LPAR1: variants seen among roughly 807,000 people sequenced by gnomAD.
LPAR1 encodes the protein lysophosphatidic acid receptor 1.
Under a neutral mutation model 23.8 loss-of-function variants are expected in LPAR1, and 5 were observed. The ratio of observed to expected loss-of-function variants is 0.21; its 90% CI spans 0.11 to 0.44. LPAR1 has a LOEUF of 0.44. Among genes scored for constraint, LPAR1 ranks in the 20% least tolerant of loss-of-function variants. The pLI is 0.99. For synonymous variants in LPAR1, 160 were observed against 164.7 expected (o/e 0.97, Z 0.22); for missense variants, 311 against 482.8 (o/e 0.64, Z 3.33).
chr9:111,017,143 A>G (rs2097465229), intron 2 of LPAR1, among the ~76,000 whole-genome samples: 1 of 152,190 alleles, frequency 6.6e-6, no homozygotes, highest in Non-Finnish European at 1.5e-5. Flanking sequence ...GAGGAAGAAC[A>G]GCAAAATGCG....
chr9:110,966,103 C>T (rs764100694), intron 4 of LPAR1, among the ~76,000 whole-genome samples: 12 of 152,090 alleles, frequency 7.9e-5, no homozygotes, highest in Non-Finnish European at 1.8e-4. Context: ...GGGAGGGGAA[C>T]ATCACACACC....
intron 5 of LPAR1, among the ~76,000 whole-genome samples, chr9:110,931,051 GC>G (rs573128696): frequency 1.2e-4 from 18 of 152,104 alleles, no homozygotes; most frequent in Non-Finnish European, 2.2e-4. Flanking sequence ...CCTAACAACG[GC>G]TATTGTCATA....
chr9:111,028,618 CTT>C (rs57371925), intron 2 of LPAR1, among the ~76,000 whole-genome samples: 4 of 146,028 alleles, frequency 2.7e-5, no homozygotes, highest in African/African-American at 2.5e-5. Context: ...TAGAAAAAGA[CTT>C]TTTTTTTTTT....
At chr9:110,934,861 G>C (rs1450943784) in intron 5 of LPAR1, among the ~76,000 whole-genome samples, 2 of 151,708 alleles carry the variant, frequency 1.3e-5, no homozygotes, top group Admixed American at 1.3e-4. Context: ...GAGAGAGAGA[G>C]GAGAGGAGAG....
intron 2 of LPAR1, among the ~76,000 whole-genome samples, chr9:111,018,657 T>TGAAG (rs2097502740): frequency 6.6e-6 from 1 of 152,236 alleles, no homozygotes. Context: ...TTCCTTCTTC[T>TGAAG]TCTTTATATT....
At chr9:110,959,766 T>C (rs1029848535) in intron 4 of LPAR1, among the ~76,000 whole-genome samples, 2 of 152,124 alleles carry the variant, frequency 1.3e-5, no homozygotes, top group Non-Finnish European at 2.9e-5. Flanking sequence ...AATTAATGAA[T>C]GGATAAAGAA....
chr9:110,938,868 T>C (rs955052027), intron 5 of LPAR1, among the ~76,000 whole-genome samples: 6 of 152,022 alleles, frequency 3.9e-5, no homozygotes, highest in Non-Finnish European at 7.4e-5. Flanking sequence ...AGCAAGACCC[T>C]GTCTCAAAGA....
intron 4 of LPAR1, among the ~76,000 whole-genome samples, chr9:110,944,918 T>C (rs1247701183): frequency 6.6e-6 from 1 of 152,226 alleles, no homozygotes; most frequent in Non-Finnish European, 1.5e-5. Context: ...TTTAAAATCC[T>C]ATACTAAGAG....
intron 2 of LPAR1, among the ~76,000 whole-genome samples, chr9:111,024,473 T>C (rs1345132381): frequency 1.4e-5 from 2 of 147,372 alleles, no homozygotes; most frequent in African/African-American, 2.5e-5. Flanking sequence ...TAATTATATA[T>C]ACATACATAT....
intron 2 of LPAR1, among the ~76,000 whole-genome samples, chr9:110,998,726 T>C (rs578154872): frequency 6.6e-6 from 1 of 152,308 alleles, no homozygotes; most frequent in East Asian, 1.9e-4. Context: ...CAGATTTAGT[T>C]TTGACAAAGT....
intron 5 of LPAR1, among the ~76,000 whole-genome samples, chr9:110,876,439 A>G (rs892013291): frequency 6.6e-6 from 1 of 152,220 alleles, no homozygotes; most frequent in Non-Finnish European, 1.5e-5. Context: ...GTGCTGTCCT[A>G]TATGCTTTAC....
At chr9:110,918,643 G>A (rs2093386905) in intron 5 of LPAR1, among the ~76,000 whole-genome samples, 1 of 152,106 alleles carries the variant, frequency 6.6e-6, no homozygotes. Flanking sequence ...AAGGGATGAA[G>A]GAAGGGGAAG....
At chr9:110,935,379 T>C (rs1004185445) in intron 5 of LPAR1, among the ~76,000 whole-genome samples, 3 of 149,612 alleles carry the variant, frequency 2.0e-5, no homozygotes, top group African/African-American at 7.5e-5. Flanking sequence ...TCCTTTCAAG[T>C]TCTAAGAATT....
intron 2 of LPAR1, among the ~76,000 whole-genome samples, chr9:111,006,204 T>TCATG (rs1332550804): frequency 2.6e-5 from 4 of 152,188 alleles, no homozygotes; most frequent in African/African-American, 9.7e-5. Flanking sequence ...TTTTCTTCAT[T>TCATG]CATGCATGCA....
chr9:110,967,586 G>A (rs995469464), intron 4 of LPAR1, among the ~76,000 whole-genome samples: 1 of 152,172 alleles, frequency 6.6e-6, no homozygotes, highest in East Asian at 1.9e-4. Context: ...ATCTTTACAA[G>A]GTCCCTGAAT....
chr9:110,879,602 T>G (rs753524178), intron 5 of LPAR1, among the ~76,000 whole-genome samples: 2 of 152,152 alleles, frequency 1.3e-5, no homozygotes, highest in African/African-American at 2.4e-5. Context: ...TCTGCAGAGC[T>G]TCTTTAAAAA....
chr9:111,029,658 A>G (rs2141469340), intron 2 of LPAR1, among the ~76,000 whole-genome samples: 1 of 152,228 alleles, frequency 6.6e-6, no homozygotes, highest in East Asian at 1.9e-4. Context: ...TACCGTATTC[A>G]TCACTACCTA....
At chr9:110,885,251 G>A (rs987612138) in intron 5 of LPAR1, among the ~76,000 whole-genome samples, 1 of 152,170 alleles carries the variant, frequency 6.6e-6, no homozygotes, top group Non-Finnish European at 1.5e-5. Flanking sequence ...TTCAAATGCA[G>A]TGGGTGGGGG....
At chr9:110,893,337 C>G (rs1436253634) in intron 5 of LPAR1, among the ~76,000 whole-genome samples, 2 of 152,114 alleles carry the variant, frequency 1.3e-5, no homozygotes, top group African/African-American at 2.4e-5. Flanking sequence ...AAATTAGAAA[C>G]TATCTCAATA....
Sources: gnomAD v4.1 joint callset for allele counts (sites outside exome capture counted in the v4.1 genomes callset) on GRCh38, gnomAD v4.1.1 for gene constraint, MANE v1.5 for transcripts, NCBI Gene and HGNC (gene_info 2026-07-23, HGNC 2026-07-21) for gene names.